GDPD4: variants seen among roughly 807,000 people sequenced by gnomAD.
GDPD4 encodes glycerophosphodiester phosphodiesterase domain containing 4, also known as glycerophosphodiester phosphodiesterase 6.
Under a neutral mutation model 67.8 loss-of-function variants are expected in GDPD4, and 60 were observed. The ratio of observed to expected loss-of-function variants is 0.88; its 90% CI spans 0.72 to 1.10. The LOEUF is 1.10. Among genes scored for constraint, GDPD4 ranks in the 50% least tolerant of loss-of-function variants. The pLI, the probability that GDPD4 is intolerant of heterozygous loss-of-function variation, is 0.00. For missense variants in GDPD4, 623 were observed against 613.9 expected, an observed-to-expected ratio of 1.01 and a Z score of -0.16; for synonymous variants, 212 against 210.9, an observed-to-expected ratio of 1.00 and a Z score of -0.04.
intron 16 of GDPD4, among the ~76,000 whole-genome samples, chr11:77,220,213 T>C (rs1419392962): frequency 3.3e-5 from 5 of 152,216 alleles, no homozygotes; most frequent in Admixed American, 2.0e-4. Flanking sequence ...TTCTCTTGCC[T>C]GATTGCCCTG....
intron 1 of GDPD4, among the ~76,000 whole-genome samples, chr11:77,300,578 G>A (rs1393837277): frequency 1.3e-5 from 2 of 151,828 alleles, no homozygotes; most frequent in African/African-American, 4.8e-5. Context: ...TAAGGATATA[G>A]ACGACTGTAA....
chr11:77,234,482 A>G (rs1273578894), intron 13 of GDPD4, among the ~76,000 whole-genome samples: 1 of 152,040 alleles, frequency 6.6e-6, no homozygotes, highest in African/African-American at 2.4e-5. Context: ...TAGTTTTCCA[A>G]CCCTTTCCCC....
At chr11:77,284,162 A>G (rs1959885821) in intron 3 of GDPD4, among the ~76,000 whole-genome samples, 1 of 152,230 alleles carries the variant, frequency 6.6e-6, no homozygotes, top group African/African-American at 2.4e-5. Context: ...AAAATTGGAC[A>G]CACATATAAT....
In GDPD4 at chr11:77,255,349, C is replaced by A. The variant is rs528438946; in HGVS notation, c.864+3037G>T. Among the ~76,000 whole-genome samples, 26 of 152,124 alleles carry A rather than the reference C, an allele frequency of 1.7e-4. No individual in the cohort carries two copies. The South Asian group carries it at 2.9e-3, about 17-fold the overall frequency. On this transcript the variant is annotated intron_variant, in intron 11 of 16. Coordinates refer to ENST00000315938, the MANE Select transcript of GDPD4 (RefSeq NM_182833.3). ...TGGGGGGCTGAGGCAGGTGGATCACCTGAGGTTAGGAGTTCGAGGCCAGCC... is the reference window on the plus strand; with the variant it reads ...TGGGGGGCTGAGGCAGGTGGATCACATGAGGTTAGGAGTTCGAGGCCAGCC...
chr11:77,230,885 G>A (rs1591531622), intron 14 of GDPD4, among the ~76,000 whole-genome samples: 1 of 152,148 alleles, frequency 6.6e-6, no homozygotes, highest in Non-Finnish European at 1.5e-5. Context: ...ACATAACACT[G>A]TGAGAACTTT....
At chr11:77,245,580 C>T (rs1958766058) in intron 11 of GDPD4, 78 bp from the exon 12 acceptor site, 2 of 904,362 alleles carry the variant, frequency 2.2e-6, no homozygotes, top group South Asian at 3.2e-5. Context: ...CCAGCTCTAC[C>T]TCAGTTGCTC....
intron 14 of GDPD4, among the ~76,000 whole-genome samples, chr11:77,232,087 T>A (rs1046155818): frequency 3.9e-5 from 6 of 152,056 alleles, no homozygotes; most frequent in African/African-American, 1.4e-4. Context: ...TGAGGCCCCT[T>A]CCCTCTTAGG....
At chr11:77,263,690 A>G (rs1275399133) in intron 10 of GDPD4, among the ~76,000 whole-genome samples, 1 of 152,184 alleles carries the variant, frequency 6.6e-6, no homozygotes, top group Admixed American at 6.5e-5. Context: ...TGAAGATAAG[A>G]TAGTATTACT....
intron 13 of GDPD4, among the ~76,000 whole-genome samples, chr11:77,240,368 C>T (rs1958638915): frequency 6.6e-6 from 1 of 152,016 alleles, no homozygotes; most frequent in South Asian, 2.1e-4. Context: ...AACAAAGATG[C>T]CAAGAACATA....
At chr11:77,269,335 G>T (rs1457134809) in intron 8 of GDPD4, among the ~76,000 whole-genome samples, 3 of 152,200 alleles carry the variant, frequency 2.0e-5, no homozygotes, top group African/African-American at 7.2e-5. Flanking sequence ...CAACTGTACA[G>T]GGGACAGATG....
chr11:77,271,058 T>A (rs1487407418), intron 7 of GDPD4, 72 bp downstream of exon 7: 1 of 1,053,582 alleles, frequency 9.5e-7, no homozygotes, highest in East Asian at 2.4e-5. Context: ...AAGCTTCTGT[T>A]TTCCTGAGTG....
chr11:77,221,110 AT>A (rs57360844), intron 16 of GDPD4, among the ~76,000 whole-genome samples: 133,487 of 152,034 alleles, frequency 0.88, 58,786 homozygotes, highest in Non-Finnish European at 0.91. Context: ...CCCCTTTAGC[AT>A]TTTTTTATTG....
At chr11:77,243,961 T>G (rs1565517823) in intron 12 of GDPD4, 113 bp from the exon 13 acceptor site, 3 of 683,464 alleles carry the variant, frequency 4.4e-6, no homozygotes, top group Non-Finnish European at 7.6e-6. Flanking sequence ...CTACAGAGAG[T>G]AGAGAGAGAG....
At chr11:77,281,753 T>C (rs1959763145) in intron 3 of GDPD4, among the ~76,000 whole-genome samples, 1 of 152,102 alleles carries the variant, frequency 6.6e-6, no homozygotes, top group Admixed American at 6.5e-5. Flanking sequence ...AGCACAAACT[T>C]TTCCAGTTTG....
chr11:77,239,269 C>T (rs1958619347), intron 13 of GDPD4, among the ~76,000 whole-genome samples: 1 of 152,198 alleles, frequency 6.6e-6, no homozygotes, highest in Non-Finnish European at 1.5e-5. Flanking sequence ...AAAGCTTTTC[C>T]TCTAAGATCA....
intron 10 of GDPD4, among the ~76,000 whole-genome samples, chr11:77,259,567 C>CAA (rs58042628): frequency 0.34 from 48,329 of 143,614 alleles, 8,226 homozygotes; most frequent in Admixed American, 0.45. Context: ...CTGAGAAAAG[C>CAA]AAAAAAAAAA....
intron 11 of GDPD4, among the ~76,000 whole-genome samples, chr11:77,247,752 T>C (rs182162320): frequency 6.6e-6 from 1 of 152,118 alleles, no homozygotes; most frequent in East Asian, 1.9e-4. Context: ...TAATATTGGT[T>C]AAGAAATAGA....
At chr11:77,221,374 G>A (rs778179767) in intron 16 of GDPD4, among the ~76,000 whole-genome samples, 8 of 152,268 alleles carry the variant, frequency 5.3e-5, no homozygotes, top group Admixed American at 1.3e-4. Context: ...CACCTAGTGC[G>A]ATAAATTTCC....
In GDPD4 at chr11:77,233,133, G is replaced by C; in HGVS notation, c.1281C>G (p.Thr427=). The change falls in exon 14 of 17, where the codon ACC becomes ACG. Residue 427 remains threonine (T), a synonymous_variant. Coordinates refer to ENST00000315938, the MANE Select transcript of GDPD4 (RefSeq NM_182833.3). The stretch of plus-strand genomic sequence containing the variant: ...GTGAGAAAAGCCAAGGCTCATTGAC[G>C]GTGTATACGTTGATATGGATGTTAG... ...KAANIHINVY[T]VNEPWLFSLA... 6.2e-7 allele frequency: 1 copy of C among 1,613,908 alleles called. No homozygotes were observed.
Sources: gnomAD v4.1 joint callset for allele counts (sites outside exome capture counted in the v4.1 genomes callset) on GRCh38, gnomAD v4.1.1 for gene constraint, MANE v1.5 for transcripts, NCBI Gene and HGNC (gene_info 2026-07-23, HGNC 2026-07-21) for gene names.